Variants in ELAC2 observed in about 807,000 individuals in gnomAD.
ELAC2 encodes zinc phosphodiesterase ELAC protein 2.
In ELAC2, 92 loss-of-function variants were observed where a neutral mutation model predicts 105.2. That is an observed-to-expected ratio of 0.87 (90% confidence interval 0.74 to 1.04). ELAC2 has a LOEUF of 1.04. Among genes scored for constraint, ELAC2 ranks in the 50% least tolerant of loss-of-function variants. ELAC2 has a pLI of 0.00. For synonymous variants in ELAC2, 468 were observed against 409.1 expected, an observed-to-expected ratio of 1.14 and a Z score of -1.74; for missense variants, 1,099 against 1,071.7, an observed-to-expected ratio of 1.03 and a Z score of -0.36.
In ELAC2 at chr17:13,005,917, T is replaced by A. The variant is rs1238926220; in HGVS notation, c.797+4A>T. The A allele has an allele frequency of 6.2e-7, 1 of 1,614,064 alleles. No individual in the cohort carries two copies. The highest frequency in any genetic ancestry group is 1.7e-5 in the Admixed American group (1 of 60,002). On this transcript the variant is annotated splice_donor_region_variant and intron_variant, in intron 9 of 23. Coordinates refer to ENST00000338034, the MANE Select transcript of ELAC2 (RefSeq NM_018127.7). ...TCCCCAGAAGCCTTACCCCCCACAC[T>A]CACACTGGGAGGCCCATCTCCTTTG...
intron 8 of ELAC2, 95 bp downstream of exon 8, chr17:13,010,518 A>G: frequency 1.8e-6 from 2 of 1,130,882 alleles, no homozygotes; most frequent in Non-Finnish European, 1.3e-6. Context: ...CTCAGGTAAC[A>G]GGAGTGCCTA....
chr17:12,993,789 C>T lies in ELAC2; in HGVS notation c.2151G>A (p.Ala717=), dbSNP rs747104908. Reference sequence around the variant, plus strand: ...TGAAGTGGTTCAGCATAATGAACTCCGCGTTCATCCGCATCCCCACGCTGA... The same window carrying T: ...TGAAGTGGTTCAGCATAATGAACTCTGCGTTCATCCGCATCCCCACGCTGA... ...QAISVGMRMN[A]EFIMLNHFSQ... The change falls in exon 23 of 24, where the codon GCG becomes GCA. Residue 717 remains alanine (A), a synonymous_variant. Transcript: ENST00000338034. 6.5e-5 allele frequency: 105 copies of T among 1,614,046 alleles called. No individual in the cohort carries two copies. Among genetic ancestry groups the T allele is most frequent in the East Asian group, 3.6e-4 (16 of 44,884 alleles).
chr17:13,011,859 G>T, intron 6 of ELAC2, 77 bp from the exon 7 acceptor site: 1 of 1,609,328 alleles, frequency 6.2e-7, no homozygotes. Context: ...TTCATACATG[G>T]GAATGCCAGA....
rs2041777131 is a variant in ELAC2, at chr17:13,017,081, G to GC, written c.285dup (p.Gln96AlafsTer22). On this transcript the variant is annotated frameshift_variant, in exon 2 of 24. Coordinates refer to ENST00000338034, the MANE Select transcript of ELAC2 (RefSeq NM_018127.7). LOFTEE classifies it high-confidence loss of function. ...AAGAGACTGACTCACTTGTGCTCCTGCATGAGTCTCTGAACGCCTTCTCCA... is the reference window on the plus strand; with the variant it reads ...AAGAGACTGACTCACTTGTGCTCCTGCCATGAGTCTCTGAACGCCTTCTCCA... 1 of 1,613,926 alleles carries GC rather than the reference G, an allele frequency of 6.2e-7. No individual in the cohort carries two copies. The highest frequency in any genetic ancestry group is 1.3e-5 in the African/African-American group (1 of 74,884).
chr17:13,005,840 C>T lies in ELAC2; in HGVS notation c.798-15G>A, dbSNP rs780748934. On this transcript the variant is annotated splice_polypyrimidine_tract_variant and intron_variant, in intron 9 of 23. Coordinates refer to ENST00000338034, the MANE Select transcript of ELAC2 (RefSeq NM_018127.7). ...CAGCTGTCCCACTGAAATGAAGAGGCAAGGCCTCTGTGAAATGTGATTTCC... is the reference window on the plus strand; with the variant it reads ...CAGCTGTCCCACTGAAATGAAGAGGTAAGGCCTCTGTGAAATGTGATTTCC... 1 of 1,614,158 alleles carries T rather than the reference C, an allele frequency of 6.2e-7. No homozygotes were observed. Among genetic ancestry groups the T allele is most frequent in the Non-Finnish European group, 8.5e-7 (1 of 1,180,034 alleles).
At chr17:13,016,613 CA>C (rs2041736803) in intron 3 of ELAC2, among the ~76,000 whole-genome samples, 1 of 151,846 alleles carries the variant, frequency 6.6e-6, no homozygotes, top group South Asian at 2.1e-4. Flanking sequence ...CCCGTCGCTA[CA>C]AAACATACAA....
chr17:12,994,584 C>T (rs920105697), intron 21 of ELAC2, 81 bp from the exon 22 acceptor site: 35 of 1,597,972 alleles, frequency 2.2e-5, no homozygotes, highest in Non-Finnish European at 2.6e-5. Flanking sequence ...GTTTCCTGGT[C>T]TCAACACTCA....
At chr17:13,004,451 TG>T (rs1418401117) in intron 11 of ELAC2, among the ~76,000 whole-genome samples, 1 of 152,078 alleles carries the variant, frequency 6.6e-6, no homozygotes, top group Non-Finnish European at 1.5e-5. Context: ...CTCAGATAGG[TG>T]GGTCAAAGAT....
chr17:13,003,416 G>GA, intron 12 of ELAC2, 63 bp downstream of exon 12: 2 of 1,473,086 alleles, frequency 1.4e-6, no homozygotes, highest in Non-Finnish European at 1.9e-6. Flanking sequence ...ACGAGGGGAG[G>GA]AAAGGGGAAT....
At chr17:13,012,723 G>A (rs961900225) in intron 6 of ELAC2, among the ~76,000 whole-genome samples, 1 of 152,150 alleles carries the variant, frequency 6.6e-6, no homozygotes, top group Non-Finnish European at 1.5e-5. Flanking sequence ...CTTTAGCCAA[G>A]TTCAAGGACA....
chr17:12,995,629 G>A (rs1158785103), intron 19 of ELAC2, 74 bp downstream of exon 19: 1 of 1,420,602 alleles, frequency 7.0e-7, no homozygotes, highest in African/African-American at 1.4e-5. Flanking sequence ...AACTACCCCA[G>A]TGTCCACCTT....
chr17:13,010,572 A>G, intron 8 of ELAC2, 41 bp downstream of exon 8: 2 of 1,595,952 alleles, frequency 1.3e-6, no homozygotes, highest in Non-Finnish European at 1.7e-6. Context: ...TCGCTGACCA[A>G]GACCCCAGTC....
chr17:13,011,672 G>C lies in ELAC2; in HGVS notation c.670C>G (p.Leu224Val), dbSNP rs566476634. ...TTGTTTATACTATTACCATGTGGAAGGTGTGGCTCATTTTCATTCGACTCG... is the reference window on the plus strand; with the variant it reads ...TTGTTTATACTATTACCATGTGGAACGTGTGGCTCATTTTCATTCGACTCG... ...DSESNENEPHLPHGVSQRRGV... is the reference protein window; with the variant it reads ...DSESNENEPHVPHGVSQRRGV... The change falls in exon 7 of 24, where the codon CTT becomes GTT. Residue 224 changes from leucine (L) to valine (V), a missense_variant. Physicochemically the swap from Leu to Val is conservative, Grantham distance 32 (BLOSUM62 1). Transcript: ENST00000338034. 6.2e-7 allele frequency: 1 copy of C among 1,614,196 alleles called. No individual in the cohort carries two copies. The highest frequency in any genetic ancestry group is 1.1e-5 in the South Asian group (1 of 91,080).
At chr17:13,008,346 C>G (rs1175882067) in intron 8 of ELAC2, among the ~76,000 whole-genome samples, 1 of 150,660 alleles carries the variant, frequency 6.6e-6, no homozygotes, top group African/African-American at 2.4e-5. Flanking sequence ...CCCGTCTCTA[C>G]TAAAAAAATA....
chr17:13,004,601 C>A (rs2041006741), intron 11 of ELAC2, among the ~76,000 whole-genome samples: 1 of 152,194 alleles, frequency 6.6e-6, no homozygotes, highest in Non-Finnish European at 1.5e-5. Flanking sequence ...ACGACAGTCT[C>A]ACACACTCTG....
rs2040238260 is a variant in ELAC2, at chr17:12,992,571, A to G, written c.*247T>C. 1.8e-6 allele frequency: 1 copy of G among 560,290 alleles called. No individual in the cohort carries two copies. Among genetic ancestry groups the G allele is most frequent in the South Asian group, 2.2e-5 (1 of 45,928 alleles). 34.7% of individuals were successfully genotyped at this position (560,290 alleles called of 1,614,324 possible). A position where few individuals can be genotyped will look rare whatever the true frequency, so the allele number is the denominator to read the frequency against. ...TTAAAAACTGCCTTGAAATGAAATT[A>G]GTTCATCTGCTTGCTTCCGTGTGGC... is the stretch of plus-strand genomic sequence containing the variant. On this transcript the variant is annotated 3_prime_UTR_variant, in exon 24 of 24. Coordinates refer to ENST00000338034, the MANE Select transcript of ELAC2 (RefSeq NM_018127.7).
Position 13,015,832 on chromosome 17 carries a change from C to A in ELAC2, c.368G>T (p.Gly123Val), listed in dbSNP as rs1422512992. 1 of 1,613,396 alleles carries A rather than the reference C, an allele frequency of 6.2e-7. No homozygotes were observed. The highest frequency in any genetic ancestry group is 2.2e-5 in the East Asian group (1 of 44,890). ...MHWSNVGGLS[G>V]MILTLKETGL... ...GGTTTCCTTTAAAGTAAGAATCATT[C>A]CTAAAAAGGATGCATAAAATCAGAT... Residue 123 changes from glycine to valine, a missense_variant and splice_region_variant, in exon 4 of 24, where the codon GGA becomes GTA. By Grantham distance (109) the Gly-to-Val change is moderately radical. Transcript: ENST00000338034.
intron 8 of ELAC2, among the ~76,000 whole-genome samples, chr17:13,007,131 A>G (rs969797214): frequency 2.6e-5 from 4 of 151,988 alleles, no homozygotes; most frequent in Admixed American, 6.6e-5. Flanking sequence ...AAAGAAAAAA[A>G]AAAAAACCCT....
At chr17:13,005,671 G>A (rs2041059852) in intron 10 of ELAC2, 82 bp downstream of exon 10, 10 of 1,437,406 alleles carry the variant, frequency 7.0e-6, no homozygotes, top group Non-Finnish European at 9.8e-6. Flanking sequence ...AGTGGTGTCT[G>A]TAGGGCCTGA....
Sources: allele counts gnomAD v4.1 joint callset (sites outside exome capture counted in the v4.1 genomes callset), GRCh38; gene constraint gnomAD v4.1.1; transcripts MANE v1.5; gene names NCBI Gene and HGNC (gene_info 2026-07-23, HGNC 2026-07-21).